Variants in IKZF3 observed in about 807,000 individuals in gnomAD.
IKZF3 encodes zinc finger protein Aiolos.
Under a neutral mutation model 49.0 loss-of-function variants are expected in IKZF3, and 10 were observed. The observed-to-expected ratio is 0.20, with a 90% CI of 0.13 to 0.35. The LOEUF is 0.35. IKZF3 is among the 10% of genes least tolerant of loss of function. The pLI is 1.00. For missense variants in IKZF3, 498 were observed against 664.8 expected (o/e 0.75, Z 2.76); for synonymous variants, 209 against 228.2 (o/e 0.92, Z 0.76).
chr17:39,828,996 G>A (rs1459052254), intron 3 of IKZF3, among the ~76,000 whole-genome samples: 3 of 151,642 alleles, frequency 2.0e-5, no homozygotes, highest in African/African-American at 7.3e-5. Flanking sequence ...GTGAAACTCC[G>A]TCTCAAAAAA....
chr17:39,804,813 T>A (rs1353384928), intron 3 of IKZF3, among the ~76,000 whole-genome samples: 4 of 152,334 alleles, frequency 2.6e-5, no homozygotes, highest in South Asian at 2.1e-4. Flanking sequence ...TTTACTTATA[T>A]CCTCTGTTTA....
At chr17:39,799,883 C>T (rs1234401585) in intron 3 of IKZF3, among the ~76,000 whole-genome samples, 3 of 152,182 alleles carry the variant, frequency 2.0e-5, no homozygotes, top group Non-Finnish European at 4.4e-5. Context: ...TCTTATTCTG[C>T]TTTATATTTA....
In IKZF3 at chr17:39,844,596, C is replaced by A. The variant is rs147928514; in HGVS notation, c.8-12445G>T. On this transcript the variant is annotated intron_variant, in intron 1 of 7. Transcript: ENST00000346872. Reference sequence around the variant, plus strand: ...TCTTTATAAAATTTTTTCATTATCACCATCATTCATTTTTTTGGGGGGGAC... The same window carrying A: ...TCTTTATAAAATTTTTTCATTATCAACATCATTCATTTTTTTGGGGGGGAC... 7.4e-4 allele frequency among the ~76,000 whole-genome samples: 113 copies of A among 152,044 alleles called. 1 individual carries two copies. Among genetic ancestry groups the A allele is most frequent in the Non-Finnish European group, 1.1e-3 (72 of 67,968 alleles).
intron 6 of IKZF3, among the ~76,000 whole-genome samples, chr17:39,781,291 G>A (rs1041739089): frequency 6.6e-6 from 1 of 152,170 alleles, no homozygotes; most frequent in Non-Finnish European, 1.5e-5. Context: ...AAGTTCCTGG[G>A]GCTGTTAGGA....
chr17:39,800,791 G>T (rs1254805521), intron 3 of IKZF3, among the ~76,000 whole-genome samples: 1 of 152,134 alleles, frequency 6.6e-6, no homozygotes, highest in African/African-American at 2.4e-5. Flanking sequence ...AGACATTTTT[G>T]GTTTCACCTG....
In IKZF3 at chr17:39,760,828, G is replaced by A. The variant is rs2060166428; in HGVS notation, c.*4962C>T. 6.6e-6 allele frequency: 1 copy of A among 152,224 alleles called. No individual in the cohort carries two copies. Among genetic ancestry groups the A allele is most frequent in the Non-Finnish European group, 1.5e-5 (1 of 68,038 alleles). 9.4% of individuals were successfully genotyped at this position (152,224 alleles called of 1,614,324 possible). On this transcript the variant is annotated 3_prime_UTR_variant, in exon 8 of 8. Transcript: ENST00000346872. ...GTGTTTCACCTGAGCAAAATTTTGT[G>A]TTTTTAAACATTTCTGTTTGCCAAA...
chr17:39,799,926 T>G (rs1598046502), intron 3 of IKZF3, among the ~76,000 whole-genome samples: 1 of 152,366 alleles, frequency 6.6e-6, no homozygotes, highest in East Asian at 1.9e-4. Context: ...CAGATCCGCT[T>G]TTATGTAGTT....
intron 2 of IKZF3, among the ~76,000 whole-genome samples, chr17:39,830,208 G>A (rs34455157): frequency 0.027 from 4,062 of 152,270 alleles, 192 homozygotes; most frequent in African/African-American, 0.093. Context: ...CTAGGAGGAA[G>A]ATCTGTAAGC....
intron 3 of IKZF3, among the ~76,000 whole-genome samples, chr17:39,826,465 G>A (rs1235660439): frequency 6.6e-6 from 1 of 152,222 alleles, no homozygotes; most frequent in African/African-American, 2.4e-5. Context: ...TAGAAGTGAT[G>A]GAAGAACTGA....
intron 3 of IKZF3, among the ~76,000 whole-genome samples, chr17:39,822,544 T>C (rs1463773619): frequency 6.6e-6 from 1 of 152,080 alleles, no homozygotes; most frequent in Non-Finnish European, 1.5e-5. Context: ...TAAACTTCTT[T>C]TCTTCTTTAT....
At chr17:39,849,397 G>A (rs924391361) in intron 1 of IKZF3, among the ~76,000 whole-genome samples, 6 of 151,298 alleles carry the variant, frequency 4.0e-5, no homozygotes, top group African/African-American at 1.5e-4. Context: ...GGTGGCTCAT[G>A]CCTGTAATCC....
chr17:39,813,932 A>G, intron 3 of IKZF3, among the ~76,000 whole-genome samples: 1 of 152,248 alleles, frequency 6.6e-6, no homozygotes, highest in South Asian at 2.1e-4. Flanking sequence ...CGAGTGCCTA[A>G]GCGAGGCTGA....
chr17:39,837,177 C>G (rs1001138760), intron 1 of IKZF3, among the ~76,000 whole-genome samples: 4 of 152,122 alleles, frequency 2.6e-5, no homozygotes, highest in South Asian at 4.1e-4. Context: ...TCAAATGATC[C>G]TCCCACCTCA....
intron 3 of IKZF3, among the ~76,000 whole-genome samples, chr17:39,805,816 A>G (rs1292672751): frequency 6.6e-6 from 1 of 152,252 alleles, no homozygotes; most frequent in Admixed American, 6.5e-5. Context: ...GAAACTGCAG[A>G]GGGAATATTG....
chr17:39,781,416 C>T (rs563292913), intron 6 of IKZF3, among the ~76,000 whole-genome samples: 1 of 152,208 alleles, frequency 6.6e-6, no homozygotes, highest in South Asian at 2.1e-4. Context: ...TCCCCTCAAC[C>T]CTGTAGTTAT....
chr17:39,802,583 G>A lies in IKZF3; in HGVS notation c.164-9650C>T, dbSNP rs151031007. Among the ~76,000 whole-genome samples the A allele has an allele frequency of 2.7e-3, 409 of 149,792 alleles. 6 individuals are homozygous for A. Among genetic ancestry groups the A allele is most frequent in the African/African-American group, 9.6e-3 (391 of 40,734 alleles). On this transcript the variant is annotated intron_variant, in intron 3 of 7. Transcript: ENST00000346872. The stretch of plus-strand genomic sequence containing the variant: ...GTTCATGCCATTGCACTCTAGCCTG[G>A]GAGACAGAGCGAGACCCTGTCTCAA...
chr17:39,798,124 C>T (rs2061219304), intron 3 of IKZF3, among the ~76,000 whole-genome samples: 2 of 152,098 alleles, frequency 1.3e-5, no homozygotes, highest in African/African-American at 4.8e-5. Context: ...TTTGCATGCC[C>T]ATTACCTAAT....
At position 39,765,043 on chromosome 17, in the gene IKZF3, A is replaced by C. The variant is rs2143547540; in HGVS notation, c.*747T>G. 6.6e-6 allele frequency: 1 copy of C among 152,422 alleles called. No individual in the cohort carries two copies. Among genetic ancestry groups the C allele is most frequent in the South Asian group, 2.1e-4 (1 of 4,830 alleles). 9.4% of individuals were successfully genotyped at this position (152,422 alleles called of 1,614,324 possible). A position where few individuals can be genotyped will look rare whatever the true frequency, so the allele number is the denominator to read the frequency against. ...GCGATGTCATCATCCACAGTGGATA[A>C]ATTTCTGGAGTTTCGATGATGGTCT... On this transcript the variant is annotated 3_prime_UTR_variant, in exon 8 of 8. Transcript: ENST00000346872.
intron 1 of IKZF3, among the ~76,000 whole-genome samples, chr17:39,857,403 A>G (rs2063092127): frequency 6.6e-6 from 1 of 152,226 alleles, no homozygotes; most frequent in Non-Finnish European, 1.5e-5. Context: ...GAGTATTCAA[A>G]TTAAGTGATG....
Sources: allele counts gnomAD v4.1 joint callset (sites outside exome capture counted in the v4.1 genomes callset), GRCh38; gene constraint gnomAD v4.1.1; transcripts MANE v1.5; gene names NCBI Gene and HGNC (gene_info 2026-07-23, HGNC 2026-07-21).